The following ACTR3C variants were observed in gnomAD, a reference collection of about 807,000 sequenced individuals.
ACTR3C encodes the protein actin related protein 3C, also known as actin-related protein 3C.
Under a neutral mutation model 26.3 loss-of-function variants are expected in ACTR3C, and 18 were observed. That is an observed-to-expected ratio of 0.68 (90% CI 0.47 to 1.01). ACTR3C has a LOEUF of 1.01. ACTR3C is among the 50% of genes least tolerant of loss of function. The pLI, the probability that ACTR3C is intolerant of heterozygous loss-of-function variation, is 0.00. For missense variants in ACTR3C, 184 were observed against 250.7 expected (o/e 0.73, Z 1.80); for synonymous variants, 55 against 94.5 (o/e 0.58, Z 2.42).
At chr7:150,227,688 G>GTTTTTTTTTTTTTTTTTTTTTTTTTT in the ACTR3C span, among the ~76,000 whole-genome samples, 8 of 111,380 alleles carry the variant, frequency 7.2e-5, no homozygotes, top group African/African-American at 1.1e-4. Flanking sequence ...TTGTGTCTGG[G>GTTTTTTTTTTTTTTTTTTTTTTTTTT]TTTTTTTTTT....
the ACTR3C span, among the ~76,000 whole-genome samples, chr7:149,951,615 G>A: frequency 5.3e-5 from 8 of 151,948 alleles, no homozygotes; most frequent in South Asian, 2.1e-4. Context: ...TTTCCTAGAG[G>A]CCATCCAAAG....
the ACTR3C span, among the ~76,000 whole-genome samples, chr7:150,050,037 C>A: frequency 6.6e-6 from 1 of 151,964 alleles, no homozygotes; most frequent in Non-Finnish European, 1.5e-5. Flanking sequence ...TAAAAGTCAC[C>A]ACAATTAGAT....
the ACTR3C span, among the ~76,000 whole-genome samples, chr7:150,221,985 G>A: frequency 9.7e-5 from 11 of 112,942 alleles, no homozygotes; most frequent in African/African-American, 4.4e-4. Flanking sequence ...GCAACAGAGA[G>A]AGACTCCGTC....
At chr7:150,031,489 T>C in the ACTR3C span, among the ~76,000 whole-genome samples, 1 of 152,150 alleles carries the variant, frequency 6.6e-6, no homozygotes, top group East Asian at 1.9e-4. Flanking sequence ...TCAGAAGACA[T>C]CCTTGGCCCC....
At chr7:149,894,019 C>T in the ACTR3C span, among the ~76,000 whole-genome samples, 1 of 152,174 alleles carries the variant, frequency 6.6e-6, no homozygotes, top group South Asian at 2.1e-4. Context: ...ATCACACTAC[C>T]TGACTTCAAA....
chr7:150,037,935 C>A, the ACTR3C span, among the ~76,000 whole-genome samples: 1 of 138,164 alleles, frequency 7.2e-6, no homozygotes, highest in Admixed American at 7.0e-5. Context: ...GTGCCTCCCC[C>A]CCTGCGATGG....
At chr7:150,123,614 A>C in the ACTR3C span, among the ~76,000 whole-genome samples, 14,287 of 85,498 alleles carry the variant, frequency 0.17, 728 homozygotes, top group Non-Finnish European at 0.19. Flanking sequence ...CACACACACA[A>C]ACACACACCC....
At chr7:150,227,108 T>G in the ACTR3C span, among the ~76,000 whole-genome samples, 1 of 150,646 alleles carries the variant, frequency 6.6e-6, no homozygotes, top group African/African-American at 2.5e-5. Context: ...ACATTCATCA[T>G]CTCACCAACT....
the ACTR3C span, among the ~76,000 whole-genome samples, chr7:149,955,195 C>T: frequency 6.6e-6 from 1 of 152,204 alleles, no homozygotes; most frequent in East Asian, 1.9e-4. Context: ...CAGTTAGTAC[C>T]ACCATCTGCA....
the ACTR3C span, among the ~76,000 whole-genome samples, chr7:150,111,867 G>GCGAAGCCCCCTTCCCACCACTCC: frequency 6.9e-3 from 1,037 of 150,728 alleles, 5 homozygotes; most frequent in African/African-American, 0.023. Context: ...GTAATGACCT[G>GCGAAGCCCCCTTCCCACCACTCC]CGAAGCCCCC....
chr7:150,067,157 A>G, the ACTR3C span, among the ~76,000 whole-genome samples: 4 of 152,262 alleles, frequency 2.6e-5, no homozygotes, highest in Non-Finnish European at 5.9e-5. Context: ...CAGTCAATAC[A>G]AAGAATGAAC....
At chr7:150,321,845 G>A (rs563028030) in intron 1 of ACTR3C, among the ~76,000 whole-genome samples, 159 of 152,350 alleles carry the variant, frequency 1.0e-3, no homozygotes, top group African/African-American at 3.7e-3. Flanking sequence ...AACTAGACTG[G>A]CTTGGCATTA....
the ACTR3C span, among the ~76,000 whole-genome samples, chr7:150,035,226 TG>T: frequency 3.0e-5 from 3 of 99,020 alleles, no homozygotes; most frequent in African/African-American, 1.3e-4. Flanking sequence ...ACCTCTGCCA[TG>T]GGGGTCCTAA....
At chr7:150,143,995 G>C in the ACTR3C span, among the ~76,000 whole-genome samples, 1 of 152,186 alleles carries the variant, frequency 6.6e-6, no homozygotes, top group African/African-American at 2.4e-5. Context: ...CTCACAGAGA[G>C]CAAAGCCAAG....
At chr7:150,099,106 T>C in the ACTR3C span, among the ~76,000 whole-genome samples, 1 of 145,748 alleles carries the variant, frequency 6.9e-6, no homozygotes, top group Non-Finnish European at 1.5e-5. Flanking sequence ...GAAAGATTTA[T>C]AAACTGCCAG....
the ACTR3C span, among the ~76,000 whole-genome samples, chr7:150,113,848 T>G: frequency 1.3e-5 from 2 of 152,182 alleles, no homozygotes; most frequent in Admixed American, 1.3e-4. Flanking sequence ...TATAAATTTA[T>G]TTTATAAGTA....
At chr7:150,182,251 G>C in the ACTR3C span, among the ~76,000 whole-genome samples, 101 of 150,656 alleles carry the variant, frequency 6.7e-4, 3 homozygotes, top group East Asian at 2.7e-3. Flanking sequence ...TTGTTAGCTG[G>C]ATTTATGGAT....
intron 6 of ACTR3C, among the ~76,000 whole-genome samples, chr7:150,278,272 G>C (rs183973612): frequency 1.3e-5 from 2 of 152,176 alleles, no homozygotes; most frequent in Non-Finnish European, 1.5e-5. Flanking sequence ...GATCTGAGTC[G>C]TCCTGTAGGA....
At chr7:150,112,230 G>A in the ACTR3C span, among the ~76,000 whole-genome samples, 33 of 152,024 alleles carry the variant, frequency 2.2e-4, no homozygotes, top group Non-Finnish European at 3.7e-4. Flanking sequence ...TTGACTCATG[G>A]GGCTGGGAAC....
Sources: gnomAD v4.1 joint callset for allele counts (sites outside exome capture counted in the v4.1 genomes callset) on GRCh38, gnomAD v4.1.1 for gene constraint, MANE v1.5 for transcripts, NCBI Gene and HGNC (gene_info 2026-07-23, HGNC 2026-07-21) for gene names.